CATSPERT: variants seen among roughly 807,000 people sequenced by gnomAD.
CATSPERT encodes the protein catsper channel auxiliary subunit tau.
At chr2:201,551,970 T>G in the CATSPERT span, among the ~76,000 whole-genome samples, 1 of 151,982 alleles carries the variant, frequency 6.6e-6, no homozygotes, top group African/African-American at 2.4e-5. Flanking sequence ...GTTTCTTTCT[T>G]TCTCTTTTCT....
chr2:201,487,911 T>C, the CATSPERT span: 1 of 1,555,872 alleles, frequency 6.4e-7, no homozygotes, highest in Non-Finnish European at 8.7e-7. Flanking sequence ...TCCTAAATAA[T>C]AAAATAAAAG....
the CATSPERT span, among the ~76,000 whole-genome samples, chr2:201,538,313 C>T: frequency 0.068 from 10,263 of 152,030 alleles, 442 homozygotes; most frequent in Middle Eastern, 0.11. Flanking sequence ...TCCTCAAGGT[C>T]CATCCACGTT....
chr2:201,603,742 T>A, the CATSPERT span, among the ~76,000 whole-genome samples: 1 of 152,334 alleles, frequency 6.6e-6, no homozygotes, highest in African/African-American at 2.4e-5. Flanking sequence ...TTCATGCTCT[T>A]GCACCAAGTT....
chr2:201,510,749 C>T, the CATSPERT span, among the ~76,000 whole-genome samples: 1 of 151,920 alleles, frequency 6.6e-6, no homozygotes, highest in Non-Finnish European at 1.5e-5. Flanking sequence ...ACATAAAAAC[C>T]ATATGCTATA....
At chr2:201,611,795 C>T in the CATSPERT span, among the ~76,000 whole-genome samples, 1 of 151,988 alleles carries the variant, frequency 6.6e-6, no homozygotes, top group Non-Finnish European at 1.5e-5. Context: ...TTGAAAATGT[C>T]CTAATATCTT....
the CATSPERT span, among the ~76,000 whole-genome samples, chr2:201,610,011 A>G: frequency 4.6e-5 from 7 of 152,224 alleles, no homozygotes; most frequent in African/African-American, 1.7e-4. Flanking sequence ...AGATTACCAG[A>G]GACTATTAGA....
At chr2:201,504,689 A>G in the CATSPERT span, among the ~76,000 whole-genome samples, 3 of 152,180 alleles carry the variant, frequency 2.0e-5, no homozygotes, top group South Asian at 2.1e-4. Context: ...CCCAGGATCT[A>G]TAAGTAAAAA....
the CATSPERT span, chr2:201,601,736 T>C: frequency 3.4e-4 from 550 of 1,610,020 alleles, 5 homozygotes; most frequent in African/African-American, 6.8e-3. Flanking sequence ...ATATTAACAT[T>C]ACCTGTACAG....
chr2:201,599,665 C>A, the CATSPERT span, among the ~76,000 whole-genome samples: 1 of 151,996 alleles, frequency 6.6e-6, no homozygotes, highest in Non-Finnish European at 1.5e-5. Context: ...ATTATTAAGT[C>A]ATTCTCAAAC....
the CATSPERT span, among the ~76,000 whole-genome samples, chr2:201,517,102 CT>C: frequency 6.6e-6 from 1 of 152,076 alleles, no homozygotes; most frequent in Non-Finnish European, 1.5e-5. Context: ...AACCATAAAA[CT>C]TTGTGTCCTT....
the CATSPERT span, among the ~76,000 whole-genome samples, chr2:201,488,717 G>T: frequency 1.3e-5 from 2 of 152,270 alleles, no homozygotes; most frequent in South Asian, 4.1e-4. Context: ...GGTGGGGATG[G>T]ATTAATAGAA....
the CATSPERT span, chr2:201,491,842 T>G: frequency 1.3e-6 from 2 of 1,537,036 alleles, no homozygotes; most frequent in African/African-American, 2.7e-5. Flanking sequence ...ATATGGGTCT[T>G]GAATCTCTGT....
chr2:201,555,870 TTAA>T, the CATSPERT span: 1 of 152,218 alleles, frequency 6.6e-6, no homozygotes, highest in African/African-American at 2.4e-5. Flanking sequence ...TTAATAGGAC[TTAA>T]TATATTAATT....
At chr2:201,504,750 A>G in the CATSPERT span, among the ~76,000 whole-genome samples, 3 of 152,182 alleles carry the variant, frequency 2.0e-5, no homozygotes, top group African/African-American at 4.8e-5. Context: ...TGCACCTTCC[A>G]TCTGAAGAAC....
At chr2:201,547,610 C>A in the CATSPERT span, 1 of 1,457,878 alleles carries the variant, frequency 6.9e-7, no homozygotes. Context: ...TCTTTTCCAG[C>A]CTAAAGAAAG....
the CATSPERT span, among the ~76,000 whole-genome samples, chr2:201,590,752 T>C: frequency 6.6e-6 from 1 of 151,892 alleles, no homozygotes; most frequent in Non-Finnish European, 1.5e-5. Flanking sequence ...GAGAGCATTT[T>C]TTCAAGTGTT....
chr2:201,591,993 A>T, the CATSPERT span, among the ~76,000 whole-genome samples: 1 of 152,066 alleles, frequency 6.6e-6, no homozygotes, highest in African/African-American at 2.4e-5. Flanking sequence ...CTCCTGACTA[A>T]TTGCCCTGGC....
At chr2:201,582,072 G>GA in the CATSPERT span, 1 of 1,590,344 alleles carries the variant, frequency 6.3e-7, no homozygotes. Flanking sequence ...ATACCAAGGT[G>GA]AAAAAAATCA....
the CATSPERT span, among the ~76,000 whole-genome samples, chr2:201,573,046 G>A: frequency 2.6e-5 from 4 of 152,144 alleles, no homozygotes; most frequent in Admixed American, 2.6e-4. Flanking sequence ...TAAGAGGACT[G>A]CATTTTTGAA....
Sources: gnomAD v4.1 joint callset for allele counts (sites outside exome capture counted in the v4.1 genomes callset) on GRCh38, gnomAD v4.1.1 for gene constraint, MANE v1.5 for transcripts, NCBI Gene and HGNC (gene_info 2026-07-23, HGNC 2026-07-21) for gene names.